Variants in MACC1 observed in about 807,000 individuals in gnomAD.
The protein encoded by MACC1 is metastasis-associated in colon cancer protein 1.
MACC1 carries 79 observed loss-of-function variants against 70.7 expected under a neutral mutation model. The ratio of observed to expected loss-of-function variants is 1.12; its 90% confidence interval spans 0.93 to 1.35. The LOEUF (loss-of-function observed/expected upper bound fraction) is 1.35. MACC1 is among the 40% of genes most tolerant of loss of function. MACC1 has a pLI of 0.00. For synonymous variants in MACC1, 361 were observed against 347.2 expected, an observed-to-expected ratio of 1.04 and a Z score of -0.44; for missense variants, 1,106 against 978.1, an observed-to-expected ratio of 1.13 and a Z score of -1.74.
At chr7:20,205,888 A>G (rs1470278622) in intron 1 of MACC1, among the ~76,000 whole-genome samples, 1 of 152,106 alleles carries the variant, frequency 6.6e-6, no homozygotes, top group Non-Finnish European at 1.5e-5. Context: ...CCATGTGAAC[A>G]CTGACCCTAC....
At chr7:20,170,063 T>C (rs537036346) in intron 2 of MACC1, among the ~76,000 whole-genome samples, 94 of 152,294 alleles carry the variant, frequency 6.2e-4, no homozygotes, top group African/African-American at 2.2e-3. Flanking sequence ...ATTTTACCAG[T>C]GCCATGATTC....
intron 5 of MACC1, among the ~76,000 whole-genome samples, chr7:20,154,652 G>A (rs1158933555): frequency 6.6e-6 from 1 of 152,082 alleles, no homozygotes; most frequent in East Asian, 1.9e-4. Context: ...TAACTAATAT[G>A]TGTCTTTGTA....
chr7:20,210,575 T>C (rs1263482885), intron 1 of MACC1, among the ~76,000 whole-genome samples: 1 of 152,196 alleles, frequency 6.6e-6, no homozygotes, highest in South Asian at 2.1e-4. Context: ...CAGGAAATAA[T>C]GTGCATGCTT....
chr7:20,203,592 ACAATAGCATCCTT>A (rs1316868919), intron 1 of MACC1, among the ~76,000 whole-genome samples: 4 of 152,198 alleles, frequency 2.6e-5, no homozygotes, highest in Non-Finnish European at 5.9e-5. Flanking sequence ...ATGAGGTGAA[ACAATAGCATCCTT>A]CATCTCCTCA....
At chr7:20,154,057 C>G (rs1194266862) in intron 6 of MACC1, 136 bp downstream of exon 6, 5 of 792,102 alleles carry the variant, frequency 6.3e-6, no homozygotes, top group Non-Finnish European at 1.0e-5. Context: ...TGATGAGTTA[C>G]TAGTGCAGTG....
At chr7:20,212,992 T>C (rs1783020936) in intron 1 of MACC1, among the ~76,000 whole-genome samples, 1 of 152,112 alleles carries the variant, frequency 6.6e-6, no homozygotes, top group African/African-American at 2.4e-5. Flanking sequence ...TATGGTCATG[T>C]TTTCGTAGAG....
chr7:20,148,330 G>A (rs961411888), intron 6 of MACC1, among the ~76,000 whole-genome samples: 3 of 152,096 alleles, frequency 2.0e-5, no homozygotes, highest in African/African-American at 7.2e-5. Context: ...AAAGAACCCA[G>A]GTAACCTTGC....
chr7:20,203,144 G>C (rs908863796), intron 1 of MACC1, among the ~76,000 whole-genome samples: 15 of 152,200 alleles, frequency 9.9e-5, no homozygotes, highest in African/African-American at 3.6e-4. Flanking sequence ...ATTAAAAAAA[G>C]TCCTGGGTTA....
In MACC1 at chr7:20,159,475, C is replaced by A; in HGVS notation, c.886G>T (p.Val296Leu). 6.2e-7 allele frequency: 1 copy of A among 1,614,088 alleles called. No homozygotes were observed. Among genetic ancestry groups the A allele is most frequent in the Non-Finnish European group, 8.5e-7 (1 of 1,180,022 alleles). ...LLLEMKIGAE[V>L]RKDPFSQVMT... Reference sequence around the variant, plus strand: ...ACTTGGCTGAAAGGATCCTTTCTTACTTCAGCCCCAATTTTCATCTCCAGC... The same window carrying A: ...ACTTGGCTGAAAGGATCCTTTCTTAATTCAGCCCCAATTTTCATCTCCAGC... Residue 296 changes from valine (V) to leucine (L), a missense_variant, in exon 5 of 7, where the codon GTA (valine) becomes TTA (leucine). Transcript: ENST00000400331.
At chr7:20,207,694 T>C (rs1782933055) in intron 1 of MACC1, among the ~76,000 whole-genome samples, 1 of 152,156 alleles carries the variant, frequency 6.6e-6, no homozygotes, top group South Asian at 2.1e-4. Context: ...TGACATAAAA[T>C]GAGCAAAATT....
Position 20,158,425 on chromosome 7 carries a change from A to T in MACC1, c.1936T>A (p.Leu646Met), listed in dbSNP as rs61745792. The change falls in exon 5 of 7, where the codon TTG becomes ATG. Residue 646 changes from leucine (L) to methionine (M), a missense_variant. Transcript: ENST00000400331. ...LEQIVLPLKKLTYIYSVVLTL... is the reference protein window; with the variant it reads ...LEQIVLPLKKMTYIYSVVLTL... The stretch of plus-strand genomic sequence containing the variant: ...AATACAACTGAGTAGATATAAGTCA[A>T]TTTTTTTAAAGGCAGGACAATCTGT... The T allele has an allele frequency of 5.1e-4, 829 of 1,613,868 alleles. 4 individuals carry two copies. The African/African-American group carries it at 9.9e-3, about 19-fold the overall frequency.
chr7:20,161,839 A>G lies in MACC1; in HGVS notation c.24T>C (p.His8=). Residue 8 remains histidine, a synonymous_variant, in exon 4 of 7, where the codon CAT becomes CAC. Transcript: ENST00000400331. ...TTTGTGCAATTCTTCCTGACCGAAAATGTTTTCTTTCAGTGATTAGCATTT... is the reference window on the plus strand; with the variant it reads ...TTTGTGCAATTCTTCCTGACCGAAAGTGTTTTCTTTCAGTGATTAGCATTT... MLITERK[H]FRSGRIAQSM... 6.2e-7 allele frequency: 1 copy of G among 1,611,998 alleles called. No individual in the cohort carries two copies. Among genetic ancestry groups the G allele is most frequent in the Admixed American group, 1.7e-5 (1 of 59,960 alleles).
intron 1 of MACC1, among the ~76,000 whole-genome samples, chr7:20,202,843 T>G (rs1782852774): frequency 6.6e-6 from 1 of 152,246 alleles, no homozygotes; most frequent in African/African-American, 2.4e-5. Context: ...TCTAGAGTAC[T>G]GATTCAGTTT....
Position 20,141,123 on chromosome 7 carries a change from G to C in MACC1, c.2382C>G (p.Thr794=), listed in dbSNP as rs1324218050. ...MWKPAYDFLY[T]WSAHYGNNYR... ...AGTTATTTCCATAGTGAGCACTCCA[G>C]GTATACAGAAAATCATAGGCAGGTT... Residue 794 remains threonine (T), a synonymous_variant, in exon 7 of 7, where the codon ACC becomes ACG. Coordinates refer to ENST00000400331, the MANE Select transcript of MACC1 (RefSeq NM_182762.4). The C allele has an allele frequency of 2.5e-6, 4 of 1,606,604 alleles. No individual in the cohort carries two copies. In the East Asian group the frequency reaches 9.0e-5, roughly 36 times the overall value.
Position 20,154,348 on chromosome 7 carries a change from C to T in MACC1, c.2191G>A (p.Ala731Thr), listed in dbSNP as rs59643340. Residue 731 changes from alanine (A) to threonine (T), a missense_variant, in exon 6 of 7, where the codon GCA becomes ACA. Physicochemically the swap from Ala to Thr is moderately conservative, Grantham distance 58. Transcript: ENST00000400331. ...LLKMDCQELVARLIQEAAVLT... is the reference protein window; with the variant it reads ...LLKMDCQELVTRLIQEAAVLT... ...ACAGCAGCTTCTTGGATGAGACGTGCGACTAACTCTTGGCAATCCATTTTC... is the reference window on the plus strand; with the variant it reads ...ACAGCAGCTTCTTGGATGAGACGTGTGACTAACTCTTGGCAATCCATTTTC... 26 of 1,613,624 alleles carry T rather than the reference C, an allele frequency of 1.6e-5. No individual in the cohort carries two copies. The highest frequency in any genetic ancestry group is 1.2e-4 in the Admixed American group (7 of 59,920).
chr7:20,181,202 C>G (rs994099495), intron 1 of MACC1, among the ~76,000 whole-genome samples: 2 of 151,784 alleles, frequency 1.3e-5, no homozygotes, highest in African/African-American at 4.8e-5. Flanking sequence ...CTAAAACTGA[C>G]CTGGACAATT....
chr7:20,159,422 G>T lies in MACC1; in HGVS notation c.939C>A (p.Ser313Arg). 6.2e-7 allele frequency: 1 copy of T among 1,613,966 alleles called. No homozygotes were observed. The highest frequency in any genetic ancestry group is 8.5e-7 in the Non-Finnish European group (1 of 1,180,030). Residue 313 changes from serine (S) to arginine (R), a missense_variant, in exon 5 of 7, where the codon AGC (serine) becomes AGA (arginine). Transcript: ENST00000400331. The stretch of plus-strand genomic sequence containing the variant: ...CTTTAAAAGGGCCTTCTTTACCCAA[G>T]CTGTGTAAACACACCATTTCTGTCA... ...QVMTEMVCLH[S>R]LGKEGPFKVL...
chr7:20,194,651 T>A (rs903891730), intron 1 of MACC1, among the ~76,000 whole-genome samples: 1 of 152,226 alleles, frequency 6.6e-6, no homozygotes, highest in Non-Finnish European at 1.5e-5. Context: ...CAAAACATCA[T>A]TTTGCTGTCT....
At chr7:20,191,574 C>A (rs1465350601) in intron 1 of MACC1, among the ~76,000 whole-genome samples, 1 of 152,124 alleles carries the variant, frequency 6.6e-6, no homozygotes, top group Non-Finnish European at 1.5e-5. Context: ...GGGCTGGAAC[C>A]AGGGAACAGT....
Sources: gnomAD v4.1 joint callset for allele counts (sites outside exome capture counted in the v4.1 genomes callset) on GRCh38, gnomAD v4.1.1 for gene constraint, MANE v1.5 for transcripts, NCBI Gene and HGNC (gene_info 2026-07-23, HGNC 2026-07-21) for gene names.